Variants in CSNK1G1 observed in about 807,000 individuals in gnomAD.
CSNK1G1 encodes the protein casein kinase 1 gamma 1.
CSNK1G1 carries 22 observed loss-of-function variants against 59.6 expected under a neutral mutation model. The observed-to-expected ratio is 0.37, with a 90% confidence interval of 0.26 to 0.53. The LOEUF (loss-of-function observed/expected upper bound fraction) is 0.53, where lower values mean the gene tolerates loss of function less well. CSNK1G1 is among the 20% of genes least tolerant of loss of function. The pLI, the probability that CSNK1G1 is intolerant of heterozygous loss-of-function variation, is 0.89. For missense variants in CSNK1G1, 384 were observed against 519.5 expected, an observed-to-expected ratio of 0.74 and a Z score of 2.54; for synonymous variants, 179 against 177.1, an observed-to-expected ratio of 1.01 and a Z score of -0.08.
intron 10 of CSNK1G1, among the ~76,000 whole-genome samples, chr15:64,186,176 A>G (rs1205644937): frequency 2.0e-5 from 3 of 151,994 alleles, no homozygotes; most frequent in Non-Finnish European, 2.9e-5. Flanking sequence ...GCGCAATCTC[A>G]GCTCACTGCA....
intron 4 of CSNK1G1, among the ~76,000 whole-genome samples, chr15:64,231,405 A>ATATATG (rs964374158): frequency 6.8e-6 from 1 of 147,408 alleles, no homozygotes. Flanking sequence ...GGTCTTGCTC[A>ATATATG]TATATGTATA....
At chr15:64,345,536 A>G (rs115816434) in intron 1 of CSNK1G1, among the ~76,000 whole-genome samples, 1,885 of 152,306 alleles carry the variant, frequency 0.012, 28 homozygotes, top group African/African-American at 0.044. Context: ...TACAACCTGA[A>G]ACATCACATG....
intron 3 of CSNK1G1, among the ~76,000 whole-genome samples, chr15:64,256,731 A>AT (rs980199743): frequency 5.3e-5 from 8 of 152,134 alleles, no homozygotes; most frequent in East Asian, 1.9e-4. Context: ...TTTGTGTACG[A>AT]TTTTTTTAAA....
chr15:64,303,645 G>T (rs924893489), intron 1 of CSNK1G1, among the ~76,000 whole-genome samples: 1 of 151,978 alleles, frequency 6.6e-6, no homozygotes, highest in African/African-American at 2.4e-5. Context: ...CCAGCTACTT[G>T]GGAGGCTGAG....
Position 64,259,249 on chromosome 15 carries a change from G to A in CSNK1G1, c.182-8C>T, listed in dbSNP as rs1313418949. The A allele has an allele frequency of 6.3e-7, 1 of 1,585,772 alleles. No individual in the cohort carries two copies. The highest frequency in any genetic ancestry group is 8.6e-7 in the Non-Finnish European group (1 of 1,161,982). On this transcript the variant is annotated splice_polypyrimidine_tract_variant and splice_region_variant and intron_variant, in intron 2 of 11. Coordinates refer to ENST00000303052, the MANE Select transcript of CSNK1G1 (RefSeq NM_022048.5). ...TGGTGTAGAGATTTTTACCTAAGAG[G>A]AAAGCAGAATGTATATGTTTTAGTG... is the stretch of plus-strand genomic sequence containing the variant.
intron 1 of CSNK1G1, among the ~76,000 whole-genome samples, chr15:64,304,713 T>A (rs1349859599): frequency 1.3e-5 from 2 of 152,210 alleles, no homozygotes; most frequent in East Asian, 3.8e-4. Context: ...ATTGGCTTTA[T>A]CAAAAGTGAG....
chr15:64,281,951 C>A (rs1413250186), intron 2 of CSNK1G1, among the ~76,000 whole-genome samples: 1 of 148,156 alleles, frequency 6.7e-6, no homozygotes, highest in Admixed American at 6.7e-5. Flanking sequence ...AACACAGTGT[C>A]TATTCTGCTG....
rs553551300 is a variant in CSNK1G1 at position 64,230,873 on chromosome 15, C to CT, written c.293-14161dup. On this transcript the variant is annotated intron_variant, in intron 4 of 11. Transcript: ENST00000303052. ...ACTGTAGTCCCAACTACTCAGGAGGCTGAGGCAGGAGAATGGCATGAACCC... is the reference window on the plus strand; with the variant it reads ...ACTGTAGTCCCAACTACTCAGGAGGCTTGAGGCAGGAGAATGGCATGAACCC... Among the ~76,000 whole-genome samples the CT allele has an allele frequency of 1.6e-3, 249 of 152,178 alleles. 2 individuals carry two copies. The highest frequency in any genetic ancestry group is 5.8e-3 in the African/African-American group (240 of 41,524).
In CSNK1G1 at chr15:64,235,805, T is replaced by C. The variant is rs75902188; in HGVS notation, c.292+15707A>G. ...ACACTGAACTCATTTGTATTGTATATATTTATTTTCTGTATTTCAAACATT... is the reference window on the plus strand; with the variant it reads ...ACACTGAACTCATTTGTATTGTATACATTTATTTTCTGTATTTCAAACATT... On this transcript the variant is annotated intron_variant, in intron 4 of 11. Transcript: ENST00000303052. Among the ~76,000 whole-genome samples, 476 of 152,310 alleles carry C rather than the reference T, an allele frequency of 3.1e-3. 1 individual carries two copies. Among genetic ancestry groups the C allele is most frequent in the African/African-American group, 0.011 (459 of 41,560 alleles).
At chr15:64,287,420 T>C (rs2048326267) in intron 2 of CSNK1G1, among the ~76,000 whole-genome samples, 1 of 152,170 alleles carries the variant, frequency 6.6e-6, no homozygotes, top group African/African-American at 2.4e-5. Flanking sequence ...TTTTTGCTAA[T>C]CTAGTTGTCA....
chr15:64,349,876 A>G (rs1452739241), intron 1 of CSNK1G1, among the ~76,000 whole-genome samples: 1 of 151,646 alleles, frequency 6.6e-6, no homozygotes, highest in South Asian at 2.1e-4. Flanking sequence ...GGAGTTCAAG[A>G]CCAGCCTGAG....
intron 2 of CSNK1G1, among the ~76,000 whole-genome samples, chr15:64,282,596 C>G (rs1030587860): frequency 6.6e-6 from 1 of 152,110 alleles, no homozygotes; most frequent in African/African-American, 2.4e-5. Context: ...GTTCATTTAA[C>G]CTGTTTTCAA....
At chr15:64,286,358 ATGTT>A (rs1239673913) in intron 2 of CSNK1G1, among the ~76,000 whole-genome samples, 35 of 151,530 alleles carry the variant, frequency 2.3e-4, no homozygotes, top group African/African-American at 8.3e-4. Flanking sequence ...TATTGTTAAC[ATGTT>A]ATTGTTAACA....
At chr15:64,340,828 G>C (rs926035969) in intron 1 of CSNK1G1, among the ~76,000 whole-genome samples, 1 of 152,122 alleles carries the variant, frequency 6.6e-6, no homozygotes, top group African/African-American at 2.4e-5. Flanking sequence ...ATGGTGGTGT[G>C]TGCCTGTGGT....
chr15:64,173,352 G>T (rs2081698420), intron 11 of CSNK1G1, among the ~76,000 whole-genome samples: 1 of 152,168 alleles, frequency 6.6e-6, no homozygotes, highest in Non-Finnish European at 1.5e-5. Context: ...ATATCTGAAT[G>T]AATCAAACAT....
At chr15:64,318,783 G>T (rs1046249337) in intron 1 of CSNK1G1, among the ~76,000 whole-genome samples, 1 of 151,676 alleles carries the variant, frequency 6.6e-6, no homozygotes. Context: ...GCTAATTTTT[G>T]TATTTTTAGT....
At chr15:64,213,380 G>A (rs768211426) in intron 6 of CSNK1G1, among the ~76,000 whole-genome samples, 1 of 152,140 alleles carries the variant, frequency 6.6e-6, no homozygotes, top group Non-Finnish European at 1.5e-5. Context: ...ATTTGTGCAG[G>A]TTGTTTATCC....
chr15:64,339,217 C>A (rs1372029620), intron 1 of CSNK1G1, among the ~76,000 whole-genome samples: 2 of 152,146 alleles, frequency 1.3e-5, no homozygotes, highest in Non-Finnish European at 2.9e-5. Context: ...TGCAAATCTG[C>A]TGAAAATGGA....
chr15:64,191,488 C>T (rs2081969870), intron 10 of CSNK1G1, among the ~76,000 whole-genome samples: 1 of 152,124 alleles, frequency 6.6e-6, no homozygotes, highest in Non-Finnish European at 1.5e-5. Flanking sequence ...TTACTGACTA[C>T]ACATAAGAAC....
Sources: allele counts gnomAD v4.1 joint callset (sites outside exome capture counted in the v4.1 genomes callset), GRCh38; gene constraint gnomAD v4.1.1; transcripts MANE v1.5; gene names NCBI Gene and HGNC (gene_info 2026-07-23, HGNC 2026-07-21).